The following GREB1 variants were observed in gnomAD, a reference collection of about 807,000 sequenced individuals.
The protein encoded by GREB1 is growth regulating estrogen receptor binding 1.
Under a neutral mutation model 200.7 loss-of-function variants are expected in GREB1, and 106 were observed. That is an observed-to-expected ratio of 0.53 (90% CI 0.45 to 0.62). The LOEUF is 0.62. GREB1 is among the 20% of genes least tolerant of loss of function. GREB1 has a pLI of 0.00. For missense variants in GREB1, 2,243 were observed against 2,556.8 expected, an observed-to-expected ratio of 0.88 and a Z score of 2.65; for synonymous variants, 1,132 against 1,092.4, an observed-to-expected ratio of 1.04 and a Z score of -0.72.
At chr2:11,532,751 C>T (rs995370838), upstream of GREB1, among the ~76,000 whole-genome samples, 29 of 152,236 alleles carry the variant, frequency 1.9e-4, no homozygotes, top group South Asian at 2.1e-4. Context: ...TCCCCACTAG[C>T]GCAGTGGAAA....
At position 11,619,937 on chromosome 2, in the gene GREB1, C is replaced by T. The variant is rs1282258635; in HGVS notation, c.4045-968C>T. Among the ~76,000 whole-genome samples, 6 of 152,158 alleles carry T rather than the reference C, an allele frequency of 3.9e-5. No homozygotes were observed. The East Asian group carries it at 1.2e-3, about 29-fold the overall frequency. On this transcript the variant is annotated intron_variant, in intron 22 of 32. Coordinates refer to ENST00000381486, the MANE Select transcript of GREB1 (RefSeq NM_014668.4). Reference sequence around the variant, plus strand: ...TGTAGCATGAACCAAGCATTGGGCTCGGTGCTTGGAAAGCACATCCCTGGA... The same window carrying T: ...TGTAGCATGAACCAAGCATTGGGCTTGGTGCTTGGAAAGCACATCCCTGGA...
chr2:11,585,881 A>G lies in GREB1; in HGVS notation c.1135A>G (p.Lys379Glu), dbSNP rs150279832. The part of the protein sequence containing the change: ...SVPDNLLKIC[K>E]AKPVIFKGHG... ...TCCTGACAACTTGCTGAAAATATGC[A>G]AGGCCAAGCCAGTGATATTTAAAGG... Residue 379 changes from lysine to glutamate, a missense_variant, in exon 9 of 33, where the codon AAG (lysine) becomes GAG (glutamate). This residue lies in a region of GREB1 where 1,178 missense variants were observed against 1,387.4 expected (regional missense o/e 0.85). Coordinates refer to ENST00000381486, the MANE Select transcript of GREB1 (RefSeq NM_014668.4). 68 of 1,613,922 alleles carry G rather than the reference A, an allele frequency of 4.2e-5. No homozygotes were observed. Among genetic ancestry groups the G allele is most frequent in the Non-Finnish European group, 5.5e-5 (65 of 1,180,040 alleles).
At chr2:11,577,532 C>T (rs1678999030) in intron 5 of GREB1, among the ~76,000 whole-genome samples, 1 of 152,220 alleles carries the variant, frequency 6.6e-6, no homozygotes, top group African/African-American at 2.4e-5. Flanking sequence ...CAGCTTTGCC[C>T]TTCATGGCCA....
At chr2:11,616,585 G>A (rs1683425190) in intron 20 of GREB1, 46 bp from the exon 21 acceptor site, 1 of 1,161,706 alleles carries the variant, frequency 8.6e-7, no homozygotes. Flanking sequence ...GCAAATGTCA[G>A]GAATGGTGAT....
At chr2:11,503,926 CTA>C (rs1282686182) in intron 1 of GREB1, among the ~76,000 whole-genome samples, 1 of 151,930 alleles carries the variant, frequency 6.6e-6, no homozygotes, top group Non-Finnish European at 1.5e-5. Flanking sequence ...TAGTACTGGA[CTA>C]TATATATATT....
At chr2:11,632,335 C>CTTTTTTTTTTTTTTTTT (rs567209224) in intron 27 of GREB1, among the ~76,000 whole-genome samples, 2 of 112,184 alleles carry the variant, frequency 1.8e-5, no homozygotes, top group Non-Finnish European at 3.6e-5. Context: ...TTCTTTCTCT[C>CTTTTTTTTTTTTTTTTT]TTTTTTTTTT....
chr2:11,486,869 G>A (rs1185633982), intron 1 of GREB1, among the ~76,000 whole-genome samples: 1 of 151,176 alleles, frequency 6.6e-6, no homozygotes, highest in Non-Finnish European at 1.5e-5. Context: ...ACTCCATCTC[G>A]GAAAAATAAA....
chr2:11,613,387 G>A (rs1683111216), intron 19 of GREB1, among the ~76,000 whole-genome samples: 1 of 152,176 alleles, frequency 6.6e-6, no homozygotes, highest in Admixed American at 6.5e-5. Flanking sequence ...TATGTTCTGG[G>A]AACTGTCCTA....
chr2:11,549,527 T>C (rs922787554), intron 1 of GREB1, among the ~76,000 whole-genome samples: 3 of 152,256 alleles, frequency 2.0e-5, no homozygotes, highest in African/African-American at 7.2e-5. Flanking sequence ...TGAAAACTAC[T>C]GAAAAAACTT....
intron 1 of GREB1, among the ~76,000 whole-genome samples, chr2:11,523,295 G>A (rs1024835679): frequency 1.3e-5 from 2 of 152,044 alleles, no homozygotes; most frequent in Admixed American, 1.3e-4. Flanking sequence ...CTTTGTACCC[G>A]GGTGATGAAA....
intron 4 of GREB1, among the ~76,000 whole-genome samples, chr2:11,572,486 A>G (rs1341843757): frequency 2.0e-5 from 3 of 152,192 alleles, no homozygotes; most frequent in Non-Finnish European, 4.4e-5. Context: ...GCTTCCAAGA[A>G]GAATCATGTC....
At chr2:11,534,969 G>A (rs1423088233) in intron 1 of GREB1, among the ~76,000 whole-genome samples, 1 of 152,168 alleles carries the variant, frequency 6.6e-6, no homozygotes, top group Non-Finnish European at 1.5e-5. Flanking sequence ...TGGCATTCTG[G>A]AGGCCTCTGA....
At chr2:11,613,042 G>A (rs999790374) in intron 19 of GREB1, among the ~76,000 whole-genome samples, 5 of 152,306 alleles carry the variant, frequency 3.3e-5, no homozygotes, top group South Asian at 2.1e-4. Context: ...GGGCCCTCCC[G>A]GCTTAGGAGG....
At chr2:11,495,315 T>A (rs1572548403) in intron 1 of GREB1, among the ~76,000 whole-genome samples, 1 of 152,336 alleles carries the variant, frequency 6.6e-6, no homozygotes, top group East Asian at 1.9e-4. Context: ...TCTACAGATG[T>A]GTAAACTGAG....
At chr2:11,603,916 G>A (rs1553372487) in intron 17 of GREB1, among the ~76,000 whole-genome samples, 1 of 152,176 alleles carries the variant, frequency 6.6e-6, no homozygotes, top group Non-Finnish European at 1.5e-5. Flanking sequence ...TTCAGATGAA[G>A]AAACTGAGAC....
At chr2:11,613,332 C>T (rs982616653) in intron 19 of GREB1, among the ~76,000 whole-genome samples, 34 of 152,152 alleles carry the variant, frequency 2.2e-4, no homozygotes, top group Admixed American at 3.3e-4. Flanking sequence ...GAAGAGCAGA[C>T]GGCCAGCAAA....
At chr2:11,508,012 A>T (rs759603190) in intron 1 of GREB1, among the ~76,000 whole-genome samples, 2 of 152,220 alleles carry the variant, frequency 1.3e-5, no homozygotes, top group African/African-American at 2.4e-5. Flanking sequence ...TATGCCAAAA[A>T]ACATAAAGCC....
chr2:11,618,013 A>G (rs941342824), intron 21 of GREB1, among the ~76,000 whole-genome samples: 5 of 133,520 alleles, frequency 3.7e-5, no homozygotes, highest in Admixed American at 3.0e-4. Flanking sequence ...GAGCTCAGTC[A>G]GAAAAGCTGC....
At chr2:11,521,055 T>G (rs780518710) in intron 1 of GREB1, among the ~76,000 whole-genome samples, 1 of 152,172 alleles carries the variant, frequency 6.6e-6, no homozygotes, top group African/African-American at 2.4e-5. Flanking sequence ...CAGGCATGTA[T>G]AGGCAACTCA....
Sources: gnomAD v4.1 joint callset for allele counts (sites outside exome capture counted in the v4.1 genomes callset) on GRCh38, gnomAD v4.1.1 for gene constraint, gnomAD v4.1.1 regional missense constraint, MANE v1.5 for transcripts, NCBI Gene and HGNC (gene_info 2026-07-23, HGNC 2026-07-21) for gene names.